DMXL1: variants seen among roughly 807,000 people sequenced by gnomAD.
The protein encoded by DMXL1 is Dmx like 1.
Under a neutral mutation model 319.2 loss-of-function variants are expected in DMXL1, and 99 were observed. The observed-to-expected ratio is 0.31, with a 90% CI of 0.26 to 0.37. The LOEUF is 0.37. Ranked by LOEUF, DMXL1 falls within the 10% of genes least tolerant of loss-of-function variation. The pLI is 1.00. For missense variants in DMXL1, 3,745 were observed against 3,595.6 expected (o/e 1.04, Z -1.06); for synonymous variants, 1,385 against 1,235.2 (o/e 1.12, Z -2.54).
chr5:119,195,812 CCTGA>C (rs1779511638), intron 30 of DMXL1, among the ~76,000 whole-genome samples: 1 of 152,074 alleles, frequency 6.6e-6, no homozygotes, highest in African/African-American at 2.4e-5. Flanking sequence ...TAAAAGAGAA[CCTGA>C]CTTTTTTAAA....
At chr5:119,089,226 A>G (rs1255364273) in intron 1 of DMXL1, among the ~76,000 whole-genome samples, 2 of 140,970 alleles carry the variant, frequency 1.4e-5, no homozygotes, top group Non-Finnish European at 3.0e-5. Flanking sequence ...CTCTTGATGA[A>G]TCTTTTGCCA....
Position 119,187,583 on chromosome 5 carries a change from G to A in DMXL1, c.7136-2125G>A, listed in dbSNP as rs557977550. Among the ~76,000 whole-genome samples the A allele has an allele frequency of 7.2e-4, 110 of 152,278 alleles. 5 individuals carry two copies. The South Asian group carries it at 0.022, about 30-fold the overall frequency. On this transcript the variant is annotated intron_variant, in intron 28 of 43. Transcript: ENST00000539542. ...CATCGCTAAGGTCTTTTTAGTTAAA[G>A]CATCTAAAGTAATACACATTCATTA...
intron 19 of DMXL1, among the ~76,000 whole-genome samples, chr5:119,162,583 A>G (rs773422066): frequency 6.6e-6 from 1 of 152,202 alleles, no homozygotes. Context: ...CACGAGGGCA[A>G]TGGCTAGTTA....
chr5:119,099,175 G>GTTTT (rs796213660), intron 2 of DMXL1, among the ~76,000 whole-genome samples: 6 of 129,146 alleles, frequency 4.6e-5, no homozygotes, highest in African/African-American at 2.0e-4. Flanking sequence ...AAATCTTTGG[G>GTTTT]TTTTTTTTTT....
chr5:119,197,473 A>G (rs1430197921), intron 31 of DMXL1, among the ~76,000 whole-genome samples: 10 of 152,194 alleles, frequency 6.6e-5, no homozygotes, highest in African/African-American at 1.7e-4. Flanking sequence ...CCCCACATAC[A>G]TATTTTCATA....
intron 13 of DMXL1, 52 bp downstream of exon 13, chr5:119,134,441 T>A: frequency 1.4e-6 from 2 of 1,435,124 alleles, no homozygotes; most frequent in South Asian, 1.4e-5. Context: ...TGTTTTCAGA[T>A]AGTTTATATT....
At position 119,247,235 on chromosome 5, in the gene DMXL1, A is replaced by T; in HGVS notation, c.*16A>T. The stretch of plus-strand genomic sequence containing the variant: ...TATGCTATAACATTTTTACAATAAG[A>T]TGTACAATTTATTACCTATATGGAA... On this transcript the variant is annotated 3_prime_UTR_variant, in exon 44 of 44. Transcript: ENST00000539542. The T allele has an allele frequency of 6.3e-7, 1 of 1,575,856 alleles. No individual in the cohort carries two copies. Among genetic ancestry groups the T allele is most frequent in the Non-Finnish European group, 8.7e-7 (1 of 1,147,596 alleles).
intron 37 of DMXL1, among the ~76,000 whole-genome samples, chr5:119,224,246 A>C (rs1407385801): frequency 6.6e-6 from 1 of 152,084 alleles, no homozygotes. Flanking sequence ...TTTTCCTTTA[A>C]TTTTATGTGT....
intron 22 of DMXL1, among the ~76,000 whole-genome samples, chr5:119,167,166 G>A (rs1007412002): frequency 7.2e-5 from 11 of 152,056 alleles, no homozygotes; most frequent in Non-Finnish European, 1.0e-4. Context: ...AAAAAATTAT[G>A]AATATTTAAG....
At chr5:119,078,404 G>A (rs1751467914) in intron 1 of DMXL1, among the ~76,000 whole-genome samples, 1 of 152,218 alleles carries the variant, frequency 6.6e-6, no homozygotes, top group Admixed American at 6.5e-5. Flanking sequence ...TGAATTATTT[G>A]TCCAGCCACT....
intron 5 of DMXL1, among the ~76,000 whole-genome samples, chr5:119,112,807 A>G (rs1055473077): frequency 2.6e-5 from 4 of 152,090 alleles, no homozygotes; most frequent in African/African-American, 9.7e-5. Flanking sequence ...AAATACAAAA[A>G]TTAGCCAGGC....
rs1790137870 is a variant in DMXL1, at chr5:119,248,759, G to T, written c.*1540G>T. On this transcript the variant is annotated 3_prime_UTR_variant, in exon 44 of 44. Coordinates refer to ENST00000539542, the MANE Select transcript of DMXL1 (RefSeq NM_001290321.3). ...TTTTAAATGTGTTGAGCAAGTTGCA[G>T]TGCAAACACTGTCATTATGTAGAGA... 4.6e-5 allele frequency: 7 copies of T among 152,448 alleles called. No individual in the cohort carries two copies. The South Asian group carries it at 1.2e-3, about 27-fold the overall frequency. The allele number at this position is 152,448 out of a possible 1,614,324, so 9.4% of individuals were successfully genotyped here.
At position 119,134,384 on chromosome 5, in the gene DMXL1, A is replaced by T; in HGVS notation, c.2371A>T (p.Ile791Phe). 1 of 1,607,598 alleles carries T rather than the reference A, an allele frequency of 6.2e-7. No individual in the cohort carries two copies. The highest frequency in any genetic ancestry group is 8.5e-7 in the Non-Finnish European group (1 of 1,177,826). ...TTTATCTGAGCTTTCTAACCCTGAA[A>T]TTTCTGTAAGTAATGTCTTTTAAAA... ...KLLSELSNPE[I>F]SKYVGEVFNI... The change falls in exon 13 of 44, where the codon ATT becomes TTT. Residue 791 changes from isoleucine to phenylalanine, a missense_variant. Physicochemically the swap from Ile to Phe is conservative, Grantham distance 21. Coordinates refer to ENST00000539542, the MANE Select transcript of DMXL1 (RefSeq NM_001290321.3).
At chr5:119,225,711 C>T (rs1785420599) in intron 38 of DMXL1, among the ~76,000 whole-genome samples, 2 of 151,846 alleles carry the variant, frequency 1.3e-5, no homozygotes, top group African/African-American at 2.4e-5. Flanking sequence ...TCAAGAGAAC[C>T]GTATATGTAA....
intron 3 of DMXL1, among the ~76,000 whole-genome samples, chr5:119,103,548 C>T (rs1757714983): frequency 6.6e-6 from 1 of 152,084 alleles, no homozygotes; most frequent in African/African-American, 2.4e-5. Flanking sequence ...AGTGTTCTTT[C>T]CTTACCTTGT....
intron 25 of DMXL1, among the ~76,000 whole-genome samples, chr5:119,174,058 G>T (rs951319516): frequency 1.3e-5 from 2 of 151,836 alleles, no homozygotes; most frequent in African/African-American, 4.8e-5. Flanking sequence ...GCAGTTAGAT[G>T]CGAGTTACTC....
At chr5:119,218,232 C>T (rs1357663591) in intron 35 of DMXL1, among the ~76,000 whole-genome samples, 1 of 151,900 alleles carries the variant, frequency 6.6e-6, no homozygotes, top group Non-Finnish European at 1.5e-5. Flanking sequence ...ATTATCTATA[C>T]CTGCATTACC....
intron 2 of DMXL1, among the ~76,000 whole-genome samples, chr5:119,101,496 T>G (rs1332112357): frequency 6.6e-6 from 1 of 152,266 alleles, no homozygotes. Context: ...TTTTAAAATG[T>G]ACTCAGGGAG....
chr5:119,108,335 A>G (rs1284074860), intron 4 of DMXL1, among the ~76,000 whole-genome samples: 1 of 152,152 alleles, frequency 6.6e-6, no homozygotes, highest in Non-Finnish European at 1.5e-5. Context: ...ACGGCCTTCT[A>G]CTTAATTCCC....
Sources: allele counts gnomAD v4.1 joint callset (sites outside exome capture counted in the v4.1 genomes callset), GRCh38; gene constraint gnomAD v4.1.1; transcripts MANE v1.5; gene names NCBI Gene and HGNC (gene_info 2026-07-23, HGNC 2026-07-21).